MYO10: variants seen among roughly 807,000 people sequenced by gnomAD.
MYO10 encodes myosin X.
In MYO10, 133 loss-of-function variants were observed where a neutral mutation model predicts 257.3. The observed-to-expected ratio is 0.52, with a 90% CI of 0.45 to 0.60. MYO10 has a LOEUF of 0.60. MYO10 is among the 20% of genes least tolerant of loss of function. The pLI, the probability that MYO10 is intolerant of heterozygous loss-of-function variation, is 0.00. For synonymous variants in MYO10, 1,104 were observed against 1,028.6 expected (o/e 1.07, Z -1.40); for missense variants, 2,399 against 2,635.7 (o/e 0.91, Z 1.97).
At chr5:16,689,620 C>T (rs957032245) in intron 28 of MYO10, among the ~76,000 whole-genome samples, 3 of 151,618 alleles carry the variant, frequency 2.0e-5, no homozygotes, top group Non-Finnish European at 1.5e-5. Flanking sequence ...AAATCCTGAA[C>T]TCTGTGCTGT....
chr5:16,716,563 TC>T (rs1738882973), intron 19 of MYO10, among the ~76,000 whole-genome samples: 2 of 108,100 alleles, frequency 1.9e-5, no homozygotes, highest in Admixed American at 1.8e-4. Context: ...GGACATTCAA[TC>T]TGTGCTTATT....
intron 31 of MYO10, 56 bp from the exon 32 acceptor site, chr5:16,681,559 C>T: frequency 6.7e-7 from 1 of 1,489,328 alleles, no homozygotes; most frequent in Non-Finnish European, 9.1e-7. Context: ...CCCCAAAGAC[C>T]ACACAATCAT....
intron 33 of MYO10, among the ~76,000 whole-genome samples, chr5:16,676,563 A>G (rs1736732306): frequency 1.3e-5 from 2 of 152,162 alleles, no homozygotes; most frequent in Admixed American, 6.5e-5. Flanking sequence ...AAAAATATGA[A>G]AATTAGCCGG....
intron 1 of MYO10, among the ~76,000 whole-genome samples, chr5:16,901,492 A>G (rs555391426): frequency 6.6e-6 from 1 of 152,180 alleles, no homozygotes; most frequent in Non-Finnish European, 1.5e-5. Context: ...AGAAGAGCGT[A>G]TTTGTCTCTT....
Position 16,680,004 on chromosome 5 carries a change from C to T in MYO10, c.4485G>A (p.Val1495=), listed in dbSNP as rs1309287661. 3 of 1,613,854 alleles carry T rather than the reference C, an allele frequency of 1.9e-6. No homozygotes were observed. Among genetic ancestry groups the T allele is most frequent in the Non-Finnish European group, 1.7e-6 (2 of 1,179,848 alleles). ...TGTCGATCGGGGCCTTGGTGTCAGTCACGTTTTGAATGGCACTGGACCACC... is the reference window on the plus strand; with the variant it reads ...TGTCGATCGGGGCCTTGGTGTCAGTTACGTTTTGAATGGCACTGGACCACC... ...ATRWSSAIQN[V]TDTKAPIDTP... The change falls in exon 33 of 41, where the codon GTG becomes GTA. Residue 1495 remains valine (V), a synonymous_variant. Transcript: ENST00000513610.
chr5:16,836,773 G>A (rs1446073455), intron 2 of MYO10, among the ~76,000 whole-genome samples: 1 of 152,122 alleles, frequency 6.6e-6, no homozygotes, highest in Non-Finnish European at 1.5e-5. Context: ...CAGACGCTTT[G>A]GAAAACAGTC....
intron 2 of MYO10, among the ~76,000 whole-genome samples, chr5:16,838,665 C>CA (rs1258424940): frequency 1.3e-4 from 20 of 152,100 alleles, no homozygotes; most frequent in Non-Finnish European, 1.5e-5. Context: ...TCAGTGTGGA[C>CA]AAAACAGCCT....
intron 39 of MYO10, 63 bp from the exon 40 acceptor site, chr5:16,668,531 A>C: frequency 3.6e-6 from 5 of 1,392,350 alleles, no homozygotes; most frequent in Non-Finnish European, 4.8e-6. Flanking sequence ...AAAGCATCTA[A>C]ACCATAAGAC....
rs758775222 is a variant in MYO10 at position 16,670,888 on chromosome 5, C to T, written c.5521G>A (p.Asp1841Asn). 5 of 1,613,768 alleles carry T rather than the reference C, an allele frequency of 3.1e-6. No individual in the cohort carries two copies. The South Asian group carries it at 4.4e-5, about 14-fold the overall frequency. The stretch of plus-strand genomic sequence containing the variant: ...GGGATGGCAGCGTGCAGAGTATAAT[C>T]CCCCTGCAGATACTGGAGTCGCAGG... ...AALRLQYLQG[D>N]YTLHAAIPPL... is the part of the protein sequence containing the mutation. Residue 1841 changes from aspartate to asparagine, a missense_variant, in exon 39 of 41, where the codon GAT becomes AAT. Around this residue, in one of 3 missense-constraint regions of MYO10, gnomAD observed 1,820 missense variants for 1,939.4 expected, o/e 0.94. Transcript: ENST00000513610.
intron 2 of MYO10, among the ~76,000 whole-genome samples, chr5:16,844,948 A>G (rs892358946): frequency 1.5e-5 from 2 of 131,524 alleles, no homozygotes; most frequent in African/African-American, 6.8e-5. Context: ...ACACACACAC[A>G]CACACGCACA....
chr5:16,826,333 A>C (rs144246672), intron 2 of MYO10, among the ~76,000 whole-genome samples: 1 of 152,360 alleles, frequency 6.6e-6, no homozygotes, highest in African/African-American at 2.4e-5. Flanking sequence ...CTGTAAAATA[A>C]GGATGATGAT....
intron 22 of MYO10, 123 bp from the exon 23 acceptor site, chr5:16,703,281 T>G: frequency 1.4e-6 from 1 of 715,188 alleles, no homozygotes; most frequent in East Asian, 2.7e-5. Context: ...ACTCTCATTA[T>G]GGAAACTGGA....
intron 23 of MYO10, 69 bp from the exon 24 acceptor site, chr5:16,702,657 C>CGTTTTTAAAACGATCTAT: frequency 6.9e-7 from 1 of 1,445,668 alleles, no homozygotes. Flanking sequence ...GAGAGATCTA[C>CGTTTTTAAAACGATCTAT]GTTTTTAAAA....
intron 4 of MYO10, among the ~76,000 whole-genome samples, chr5:16,789,614 C>T (rs1425756777): frequency 6.6e-6 from 1 of 152,056 alleles, no homozygotes; most frequent in Non-Finnish European, 1.5e-5. Context: ...ATGGTGAAAC[C>T]TCATATCGTA....
chr5:16,671,081 C>A, intron 38 of MYO10, 103 bp from the exon 39 acceptor site: 1 of 1,078,386 alleles, frequency 9.3e-7, no homozygotes. Flanking sequence ...CTCAAACTCA[C>A]CTTCCCTGAC....
At chr5:16,817,436 G>GTA (rs1474348694) in intron 3 of MYO10, among the ~76,000 whole-genome samples, 1 of 152,088 alleles carries the variant, frequency 6.6e-6, no homozygotes, top group Non-Finnish European at 1.5e-5. Context: ...TATAATACAG[G>GTA]TATAGTCACA....
rs540945594 is a variant in MYO10 at position 16,825,379 on chromosome 5, C to A, written c.121-7212G>T. Among the ~76,000 whole-genome samples, 7 of 152,326 alleles carry A rather than the reference C, an allele frequency of 4.6e-5. No homozygotes were observed. The East Asian group carries it at 1.4e-3, about 29-fold the overall frequency. On this transcript the variant is annotated intron_variant, in intron 2 of 40. Coordinates refer to ENST00000513610, the MANE Select transcript of MYO10 (RefSeq NM_012334.3). ...CCATCACACGCCCACCCTGGAACCT[C>A]TTGGTCAGGATCTTTCACACTCTTC...
chr5:16,840,007 C>A (rs1447510037), intron 2 of MYO10, among the ~76,000 whole-genome samples: 1 of 152,088 alleles, frequency 6.6e-6, no homozygotes, highest in African/African-American at 2.4e-5. Flanking sequence ...AAGTGAGAGT[C>A]TAGATTGCAG....
intron 21 of MYO10, among the ~76,000 whole-genome samples, chr5:16,705,522 C>T (rs1241138582): frequency 6.6e-6 from 1 of 152,220 alleles, no homozygotes; most frequent in Non-Finnish European, 1.5e-5. Flanking sequence ...AGATTTAATA[C>T]ACGCATAAGA....
Sources: allele counts gnomAD v4.1 joint callset (sites outside exome capture counted in the v4.1 genomes callset), GRCh38; gene constraint gnomAD v4.1.1; regional missense constraint gnomAD v4.1.1; transcripts MANE v1.5; gene names NCBI Gene and HGNC (gene_info 2026-07-23, HGNC 2026-07-21).